SLC26A9: variants seen among roughly 807,000 people sequenced by gnomAD.
The protein encoded by SLC26A9 is anion transporter/exchanger protein 9.
SLC26A9 carries 46 observed loss-of-function variants against 87.1 expected under a neutral mutation model. The observed-to-expected ratio is 0.53, with a 90% CI of 0.42 to 0.67. The LOEUF (loss-of-function observed/expected upper bound fraction) is 0.67, where lower values mean the gene tolerates loss of function less well. Ranked by LOEUF, SLC26A9 falls within the 30% of genes least tolerant of loss-of-function variation. SLC26A9 has a pLI of 0.00. For missense variants in SLC26A9, 927 were observed against 1,018.3 expected, an observed-to-expected ratio of 0.91 and a Z score of 1.22; for synonymous variants, 437 against 409.1, an observed-to-expected ratio of 1.07 and a Z score of -0.82.
chr1:205,928,097 A>G lies in SLC26A9; in HGVS notation c.954-48T>C, dbSNP rs61218473. 13,188 of 1,586,962 alleles carry G rather than the reference A, an allele frequency of 8.3e-3. 108 individuals carry two copies. The highest frequency in any genetic ancestry group is 0.024 in the Middle Eastern group (142 of 5,868). ...GCAGAACCCAAGGGTGTGAGTGGGGAGGGCAGCCAAGTCCTTCACCAGCCC... is the reference window on the plus strand; with the variant it reads ...GCAGAACCCAAGGGTGTGAGTGGGGGGGGCAGCCAAGTCCTTCACCAGCCC... On this transcript the variant is annotated intron_variant, in intron 8 of 20. Coordinates refer to ENST00000367135, the MANE Select transcript of SLC26A9 (RefSeq NM_052934.4).
intron 1 of SLC26A9, among the ~76,000 whole-genome samples, chr1:205,938,973 C>G (rs1309108232): frequency 1.3e-5 from 2 of 151,882 alleles, no homozygotes; most frequent in African/African-American, 4.8e-5. Context: ...GCACCAGATA[C>G]TAGGGAGTCC....
intron 16 of SLC26A9, 87 bp downstream of exon 16, chr1:205,922,995 G>A (rs1356609886): frequency 7.7e-7 from 1 of 1,299,440 alleles, no homozygotes; most frequent in Admixed American, 1.7e-5. Flanking sequence ...GTGGGAAGCG[G>A]GGCCCCCAGG....
At position 205,918,965 on chromosome 1, in the gene SLC26A9, T is replaced by A; in HGVS notation, c.2131A>T (p.Ser711Cys). Residue 711 changes from serine (S) to cysteine (C), a missense_variant, in exon 19 of 21, where the codon AGC (serine) becomes TGC (cysteine). Coordinates refer to ENST00000367135, the MANE Select transcript of SLC26A9 (RefSeq NM_052934.4). ...NIHAQVYNDI[S>C]HGGVFEDGSL... is the part of the protein sequence containing the mutation. ...CCATCCTCAAAGACGCCTCCATGGC[T>A]AATGTCATTGTACACCTGGGCTAGA... 1 of 1,614,198 alleles carries A rather than the reference T, an allele frequency of 6.2e-7. No homozygotes were observed. Among genetic ancestry groups the A allele is most frequent in the South Asian group, 1.1e-5 (1 of 91,088 alleles).
At chr1:205,928,508 A>G (rs756635136) in intron 8 of SLC26A9, 1 of 452,522 alleles carries the variant, frequency 2.2e-6, no homozygotes, top group Non-Finnish European at 4.0e-6. Flanking sequence ...CCCTTTCTAC[A>G]TGGACAAAGA....
intron 5 of SLC26A9, 48 bp downstream of exon 5, chr1:205,931,812 C>A: frequency 6.3e-7 from 1 of 1,579,558 alleles, no homozygotes; most frequent in Non-Finnish European, 8.6e-7. Context: ...GAGGGAGGGG[C>A]AGGGTGGTCT....
chr1:205,931,468 T>A, intron 5 of SLC26A9, among the ~76,000 whole-genome samples: 1 of 45,000 alleles, frequency 2.2e-5, no homozygotes, highest in Non-Finnish European at 5.3e-5. Context: ...TAACTTGGTT[T>A]TTTTTTTTTT....
At chr1:205,925,831 T>TGG (rs1433908531) in intron 12 of SLC26A9, among the ~76,000 whole-genome samples, 1 of 152,220 alleles carries the variant, frequency 6.6e-6, no homozygotes, top group East Asian at 1.9e-4. Context: ...GGGGCTTAAA[T>TGG]GGAGAGAAGG....
At chr1:205,915,543 T>TGCGAGA (rs1345412081) in intron 20 of SLC26A9, 139 bp from the exon 21 acceptor site, 7 of 1,064,402 alleles carry the variant, frequency 6.6e-6, no homozygotes, top group Non-Finnish European at 9.6e-6. Context: ...TGTGTGTGTG[T>TGCGAGA]GTGTGCGAGA....
intron 1 of SLC26A9, among the ~76,000 whole-genome samples, chr1:205,937,981 C>T (rs527863210): frequency 6.6e-6 from 1 of 152,070 alleles, no homozygotes; most frequent in African/African-American, 2.4e-5. Context: ...CTTGCTTCCA[C>T]ACCAACCAGC....
At chr1:205,924,779 G>C in intron 12 of SLC26A9, 1 of 327,680 alleles carries the variant, frequency 3.1e-6, no homozygotes. Flanking sequence ...GGTCAGATCT[G>C]TTTGGGTTCA....
intron 2 of SLC26A9, among the ~76,000 whole-genome samples, chr1:205,935,419 G>C (rs1041437207): frequency 6.6e-6 from 1 of 152,096 alleles, no homozygotes; most frequent in African/African-American, 2.4e-5. Context: ...CAAACCCAGA[G>C]AGACCCGGGT....
At position 205,915,388 on chromosome 1, in the gene SLC26A9, A is replaced by G. The variant is rs1462078918; in HGVS notation, c.2345T>C (p.Met782Thr). 1.2e-6 allele frequency: 2 copies of G among 1,614,090 alleles called. No individual in the cohort carries two copies. Among genetic ancestry groups the G allele is most frequent in the East Asian group, 4.5e-5 (2 of 44,876 alleles). ...GGCGGTCAGGGTCTCTGCGTGAAACATGCTCCCGAACATCTCCTGCAGGAA... is the reference window on the plus strand; with the variant it reads ...GGCGGTCAGGGTCTCTGCGTGAAACGTGCTCCCGAACATCTCCTGCAGGAA... The part of the protein sequence containing the change: ...WDLEQEMFGS[M>T]FHAETLTAL Residue 782 changes from methionine to threonine, a missense_variant, in exon 21 of 21, where the codon ATG becomes ACG. Coordinates refer to ENST00000367135, the MANE Select transcript of SLC26A9 (RefSeq NM_052934.4).
intron 7 of SLC26A9, 88 bp downstream of exon 7, chr1:205,929,116 A>T: frequency 6.4e-7 from 1 of 1,550,846 alleles, no homozygotes; most frequent in Non-Finnish European, 8.7e-7. Flanking sequence ...ACTGGCTGCC[A>T]GTTGAGGGGA....
At position 205,915,159 on chromosome 1, in the gene SLC26A9, C is replaced by G; in HGVS notation, c.*198G>C. 1 of 1,611,914 alleles carries G rather than the reference C, an allele frequency of 6.2e-7. No individual in the cohort carries two copies. The highest frequency in any genetic ancestry group is 1.7e-5 in the Admixed American group (1 of 59,912). On this transcript the variant is annotated 3_prime_UTR_variant, in exon 21 of 21. Transcript: ENST00000367135. ...GACTCTCACTCCTGTAAGGGTAGCA[C>G]CCCCCTGCTGCTGAGAGGCTCTCTC...
chr1:205,918,904 T>C lies in SLC26A9; in HGVS notation c.2192A>G (p.His731Arg), dbSNP rs1401078478. The C allele has an allele frequency of 2.5e-6, 4 of 1,614,100 alleles. No homozygotes were observed. The highest frequency in any genetic ancestry group is 2.2e-5 in the South Asian group (2 of 91,088). The change falls in exon 19 of 21, where the codon CAT becomes CGT. Residue 731 changes from histidine to arginine, a missense_variant. Transcript: ENST00000367135. ...LECKHVFPSI[H>R]DAVLFAQANA... ...TGCCTGGGCAAAGAGGACTGCGTCA[T>C]GTATGCTGGGAAAGACGTGCTTGCA... is the stretch of plus-strand genomic sequence containing the variant.
intron 18 of SLC26A9, 30 bp from the exon 19 acceptor site, chr1:205,919,015 G>T: frequency 6.2e-7 from 1 of 1,610,842 alleles, no homozygotes; most frequent in Non-Finnish European, 8.5e-7. Context: ...CCTTCAGAAA[G>T]ATAACAGCCA....
At chr1:205,929,177 C>A in intron 7 of SLC26A9, 27 bp downstream of exon 7, 1 of 1,598,252 alleles carries the variant, frequency 6.3e-7, no homozygotes, top group Non-Finnish European at 8.6e-7. Context: ...GGCCCCCCAA[C>A]ATCCCAGCTC....
chr1:205,935,309 A>T (rs531641523), intron 2 of SLC26A9: 1 of 157,256 alleles, frequency 6.4e-6, no homozygotes, highest in African/African-American at 2.4e-5. Flanking sequence ...GGGTGATGGT[A>T]ACTTCAGGTA....
chr1:205,928,419 TC>T, intron 8 of SLC26A9: 1 of 377,982 alleles, frequency 2.6e-6, no homozygotes, highest in East Asian at 5.3e-5. Flanking sequence ...AGGACAAGCG[TC>T]ACCCCTCTCC....
Sources: allele counts gnomAD v4.1 joint callset (sites outside exome capture counted in the v4.1 genomes callset), GRCh38; gene constraint gnomAD v4.1.1; transcripts MANE v1.5; gene names NCBI Gene and HGNC (gene_info 2026-07-23, HGNC 2026-07-21).